The following BAZ2B variants were observed in gnomAD, a reference collection of about 807,000 sequenced individuals.
BAZ2B encodes the protein bromodomain adjacent to zinc finger domain 2B, also known as bromodomain adjacent to zinc finger domain protein 2B.
Under a neutral mutation model 246.0 loss-of-function variants are expected in BAZ2B, and 91 were observed. That is an observed-to-expected ratio of 0.37 (90% CI 0.31 to 0.44). BAZ2B has a LOEUF of 0.44. Ranked by LOEUF, BAZ2B falls within the 20% of genes least tolerant of loss-of-function variation. The probability of loss-of-function intolerance (pLI) is 1.00; values close to 1 mark genes in which losing one functional copy is unlikely to be tolerated. For synonymous variants in BAZ2B, 855 were observed against 860.0 expected (o/e 0.99, Z 0.10); for missense variants, 2,332 against 2,533.7 (o/e 0.92, Z 1.71).
intron 31 of BAZ2B, among the ~76,000 whole-genome samples, chr2:159,340,251 A>C (rs1409077160): frequency 6.6e-6 from 1 of 152,066 alleles, no homozygotes; most frequent in Non-Finnish European, 1.5e-5. Flanking sequence ...AACAAAGAAA[A>C]AGGAAAAAAA....
At chr2:159,602,912 G>A (rs753331371) in intron 1 of BAZ2B, among the ~76,000 whole-genome samples, 22 of 152,166 alleles carry the variant, frequency 1.4e-4, no homozygotes, top group Admixed American at 9.2e-4. Context: ...TGAGGAGGGT[G>A]GACTGCTTCA....
intron 3 of BAZ2B, chr2:159,461,000 G>A (rs571555830): frequency 6.6e-6 from 1 of 152,614 alleles, no homozygotes; most frequent in South Asian, 2.1e-4. Flanking sequence ...TGGATGGATA[G>A]TATGGATGAC....
At position 159,320,393 on chromosome 2, in the gene BAZ2B, G is replaced by C. The variant is rs765892621; in HGVS notation, c.6379C>G (p.Leu2127Val). 6 of 1,573,002 alleles carry C rather than the reference G, an allele frequency of 3.8e-6. No homozygotes were observed. The highest frequency in any genetic ancestry group is 5.1e-6 in the Non-Finnish European group (6 of 1,168,324). ...GQYPNLETFALDVRLVFDNCE... is the reference protein window; with the variant it reads ...GQYPNLETFAVDVRLVFDNCE... ...TTGTCAAAAACAAGCCTGACATCTA[G>C]AGCAAAGGTTTCAAGGTTTGGATAC... Residue 2127 changes from leucine (L) to valine (V), a missense_variant, in exon 37 of 37, where the codon CTA becomes GTA. By Grantham distance (32) the Leu-to-Val change is conservative. Transcript: ENST00000392783.
At chr2:159,573,785 A>T (rs2357381) in intron 1 of BAZ2B, among the ~76,000 whole-genome samples, 140,529 of 152,194 alleles carry the variant, frequency 0.92, 65,380 homozygotes, top group East Asian at 1. Flanking sequence ...TTTAAAAAAC[A>T]CTTATAACTA....
chr2:159,643,278 T>C, the BAZ2B span, among the ~76,000 whole-genome samples: 45 of 152,298 alleles, frequency 3.0e-4, no homozygotes, highest in Middle Eastern at 3.4e-3. Flanking sequence ...CATGGTAAGA[T>C]TGGTTTCATT....
intron 2 of BAZ2B, among the ~76,000 whole-genome samples, chr2:159,526,704 C>T (rs139433465): frequency 2.6e-5 from 4 of 152,022 alleles, no homozygotes; most frequent in Non-Finnish European, 5.9e-5. Flanking sequence ...AAATGAATGT[C>T]TTTTGGCAGA....
At chr2:159,698,417 T>TCTG in the BAZ2B span, among the ~76,000 whole-genome samples, 1 of 150,634 alleles carries the variant, frequency 6.6e-6, no homozygotes, top group African/African-American at 2.5e-5. Context: ...GCTACTCAGA[T>TCTG]GACTTGAGCC....
chr2:159,550,051 C>A (rs1481023654), intron 2 of BAZ2B, among the ~76,000 whole-genome samples: 1 of 151,984 alleles, frequency 6.6e-6, no homozygotes, highest in Non-Finnish European at 1.5e-5. Flanking sequence ...CTCAAAACTC[C>A]AGACAAGTGA....
the BAZ2B span, among the ~76,000 whole-genome samples, chr2:159,681,960 G>A: frequency 3.9e-5 from 6 of 151,928 alleles, no homozygotes; most frequent in Admixed American, 3.3e-4. Flanking sequence ...TATTTCAGAA[G>A]GAATTAAAAA....
rs1428734413 is a variant in BAZ2B, at chr2:159,501,161, T to A, written c.-2-22440A>T. On this transcript the variant is annotated intron_variant, in intron 2 of 36. Transcript: ENST00000392783. ...ATTTTATATATATAATATATATAAATATATAATATATATTATATATATTTA... is the reference window on the plus strand; with the variant it reads ...ATTTTATATATATAATATATATAAAAATATAATATATATTATATATATTTA... Among the ~76,000 whole-genome samples, 2 of 79,446 alleles carry A rather than the reference T, an allele frequency of 2.5e-5. 1 individual carries two copies. The highest frequency in any genetic ancestry group is 6.5e-4 in the East Asian group (2 of 3,058). 52.1% of individuals were successfully genotyped at this position (79,446 alleles called of 152,430 possible).
intron 2 of BAZ2B, among the ~76,000 whole-genome samples, chr2:159,519,269 C>A (rs1248032170): frequency 8.7e-6 from 1 of 114,822 alleles, no homozygotes; most frequent in Non-Finnish European, 1.7e-5. Flanking sequence ...GTCGCCCAGG[C>A]CGGACTGCGG....
chr2:159,563,931 C>A (rs193245299), intron 1 of BAZ2B, among the ~76,000 whole-genome samples: 1 of 152,158 alleles, frequency 6.6e-6, no homozygotes, highest in Non-Finnish European at 1.5e-5. Context: ...TTCTTTTGTT[C>A]ATTCAGTAAA....
chr2:159,613,995 T>A (rs752024368), intron 1 of BAZ2B, among the ~76,000 whole-genome samples: 3 of 152,188 alleles, frequency 2.0e-5, no homozygotes, highest in Non-Finnish European at 4.4e-5. Context: ...TCTATTAGCT[T>A]TTTTTAAGTT....
chr2:159,532,078 T>G (rs2085434741), intron 2 of BAZ2B, among the ~76,000 whole-genome samples: 1 of 152,176 alleles, frequency 6.6e-6, no homozygotes, highest in African/African-American at 2.4e-5. Flanking sequence ...CATTTAACAA[T>G]CTGCCACAAA....
chr2:159,566,408 T>C (rs1168088318), intron 1 of BAZ2B, among the ~76,000 whole-genome samples: 1 of 152,204 alleles, frequency 6.6e-6, no homozygotes, highest in Non-Finnish European at 1.5e-5. Flanking sequence ...TTGATTTGAT[T>C]AATCACAGTT....
chr2:159,454,696 T>C (rs2075521782), intron 3 of BAZ2B, among the ~76,000 whole-genome samples: 1 of 152,062 alleles, frequency 6.6e-6, no homozygotes, highest in Admixed American at 6.5e-5. Context: ...AAAAAGGGAA[T>C]ATATTCTAGT....
At chr2:159,582,417 C>CT (rs895822191) in intron 1 of BAZ2B, among the ~76,000 whole-genome samples, 3 of 151,742 alleles carry the variant, frequency 2.0e-5, no homozygotes, top group Non-Finnish European at 2.9e-5. Flanking sequence ...AGTTCACATA[C>CT]TTTTTTTTTG....
chr2:159,523,804 A>C (rs1485203050), intron 2 of BAZ2B, among the ~76,000 whole-genome samples: 1 of 152,216 alleles, frequency 6.6e-6, no homozygotes, highest in Admixed American at 6.5e-5. Flanking sequence ...AGTACCTAAC[A>C]ATTTATACAC....
At chr2:159,648,299 A>G in the BAZ2B span, among the ~76,000 whole-genome samples, 1 of 151,936 alleles carries the variant, frequency 6.6e-6, no homozygotes, top group Non-Finnish European at 1.5e-5. Context: ...CACCATGCCC[A>G]GCTAATTTTT....
Sources: allele counts gnomAD v4.1 joint callset (sites outside exome capture counted in the v4.1 genomes callset), GRCh38; gene constraint gnomAD v4.1.1; transcripts MANE v1.5; gene names NCBI Gene and HGNC (gene_info 2026-07-23, HGNC 2026-07-21).